DGCR2: variants seen among roughly 807,000 people sequenced by gnomAD.
DGCR2 encodes the protein DiGeorge syndrome critical region gene 2.
A neutral mutation model predicts 51.6 loss-of-function variants in DGCR2; 24 were observed. The observed-to-expected ratio is 0.47, with a 90% CI of 0.34 to 0.65. The LOEUF is 0.65. Ranked by LOEUF, DGCR2 falls within the 30% of genes least tolerant of loss-of-function variation. The pLI is 0.01. For missense variants in DGCR2, 765 were observed against 772.1 expected, an observed-to-expected ratio of 0.99 and a Z score of 0.11; for synonymous variants, 340 against 315.4, an observed-to-expected ratio of 1.08 and a Z score of -0.82.
At position 19,068,174 on chromosome 22, in the gene DGCR2, C is replaced by T. The variant is rs1226947085; in HGVS notation, c.254G>A (p.Arg85Gln). ...PHHGKEAVDP[R>Q]QGRARGGDPS... ...GTCGCCTCCTCTGGCCCGCCCCTGC[C>T]GCGGATCCACAGCCTCCTTCCCATG... The change falls in exon 3 of 10, where the codon CGG becomes CAG. Residue 85 changes from arginine (R) to glutamine (Q), a missense_variant. This residue lies in a region of DGCR2 where 370 missense variants were observed against 325.5 expected (regional missense o/e 1.14). Transcript: ENST00000263196. The T allele has an allele frequency of 6.2e-6, 10 of 1,611,484 alleles. No homozygotes were observed. Among genetic ancestry groups the T allele is most frequent in the East Asian group, 4.5e-5 (2 of 44,702 alleles).
chr22:19,040,247 C>T (rs1036711660), intron 9 of DGCR2, among the ~76,000 whole-genome samples: 2 of 152,226 alleles, frequency 1.3e-5, no homozygotes. Flanking sequence ...GTCTTTTCTG[C>T]ACCCCCAGAT....
chr22:19,081,575 T>A (rs1039280378), intron 2 of DGCR2, among the ~76,000 whole-genome samples: 1 of 152,226 alleles, frequency 6.6e-6, no homozygotes, highest in African/African-American at 2.4e-5. Flanking sequence ...AATTAAGATG[T>A]CTGACAAAAC....
chr22:19,040,962 G>GC, intron 9 of DGCR2, 96 bp downstream of exon 9: 1 of 1,100,966 alleles, frequency 9.1e-7, no homozygotes, highest in Non-Finnish European at 1.3e-6. Flanking sequence ...AAGAAGTGAG[G>GC]TCCCTAGGCC....
At chr22:19,045,291 T>C (rs2082476668) in intron 7 of DGCR2, 1 of 152,270 alleles carries the variant, frequency 6.6e-6, no homozygotes, top group African/African-American at 2.4e-5. Context: ...CTCGATTGAT[T>C]GTTCACAGTC....
chr22:19,076,388 C>T (rs2082876699), intron 2 of DGCR2, among the ~76,000 whole-genome samples: 2 of 152,026 alleles, frequency 1.3e-5, no homozygotes, highest in South Asian at 4.1e-4. Context: ...TGCTCTAGAA[C>T]TCCTGACCTC....
intron 1 of DGCR2, among the ~76,000 whole-genome samples, chr22:19,119,872 C>A (rs2083413146): frequency 6.6e-6 from 1 of 152,092 alleles, no homozygotes; most frequent in African/African-American, 2.4e-5. Flanking sequence ...TCTTCAGGGA[C>A]CCCACCAGGC....
At chr22:19,099,158 G>A (rs1295399700) in intron 1 of DGCR2, among the ~76,000 whole-genome samples, 1 of 152,186 alleles carries the variant, frequency 6.6e-6, no homozygotes, top group East Asian at 1.9e-4. Context: ...AGTTCTCCAG[G>A]TGACAGGGCT....
intron 9 of DGCR2, among the ~76,000 whole-genome samples, chr22:19,040,300 T>C (rs2082416749): frequency 6.6e-6 from 1 of 152,236 alleles, no homozygotes; most frequent in African/African-American, 2.4e-5. Flanking sequence ...CGAACAGGAC[T>C]GAGACCTTTA....
chr22:19,089,296 A>C, intron 2 of DGCR2, 72 bp downstream of exon 2: 1 of 1,478,020 alleles, frequency 6.8e-7, no homozygotes, highest in Admixed American at 2.1e-5. Flanking sequence ...TCCACCCCTC[A>C]CAAGAGGCAC....
rs1350510357 is a variant in DGCR2 at position 19,112,727 on chromosome 22, G to A, written c.79+9401C>T. Among the ~76,000 whole-genome samples the A allele has an allele frequency of 2.1e-5, 3 of 143,970 alleles. 1 individual carries two copies. Among genetic ancestry groups the A allele is most frequent in the African/African-American group, 7.7e-5 (3 of 39,160 alleles). 94.4% of individuals were successfully genotyped at this position (143,970 alleles called of 152,430 possible). ...CTGGAATTTCAGGTGTGAACCACCC[G>A]GCCCTGCCTCAACACAGTTTTGAAC... On this transcript the variant is annotated intron_variant, in intron 1 of 9. Transcript: ENST00000263196.
chr22:19,072,423 G>A (rs912722938), intron 2 of DGCR2, among the ~76,000 whole-genome samples: 3 of 152,166 alleles, frequency 2.0e-5, no homozygotes, highest in Non-Finnish European at 4.4e-5. Context: ...GATAGGGAAG[G>A]ACCACCAAAC....
chr22:19,097,107 C>G (rs924014648), intron 1 of DGCR2, among the ~76,000 whole-genome samples: 1 of 152,068 alleles, frequency 6.6e-6, no homozygotes, highest in Non-Finnish European at 1.5e-5. Flanking sequence ...CAAAAGCAAA[C>G]GTCAGCCAAG....
chr22:19,078,131 T>G (rs184396709), intron 2 of DGCR2, among the ~76,000 whole-genome samples: 1 of 152,214 alleles, frequency 6.6e-6, no homozygotes, highest in African/African-American at 2.4e-5. Flanking sequence ...ACCCAGTGTC[T>G]TCTTTAATTT....
At chr22:19,073,450 G>C (rs936393513) in intron 2 of DGCR2, among the ~76,000 whole-genome samples, 4 of 152,210 alleles carry the variant, frequency 2.6e-5, no homozygotes, top group African/African-American at 9.6e-5. Context: ...AAAGGGAACA[G>C]AGAAGAAAAC....
intron 7 of DGCR2, among the ~76,000 whole-genome samples, chr22:19,043,421 G>C (rs1053549740): frequency 6.6e-6 from 1 of 152,184 alleles, no homozygotes; most frequent in Non-Finnish European, 1.5e-5. Context: ...GTGGTAGCAG[G>C]CATGAAAGGA....
chr22:19,103,340 A>G (rs1323947836), intron 1 of DGCR2, among the ~76,000 whole-genome samples: 1 of 150,390 alleles, frequency 6.6e-6, no homozygotes, highest in Non-Finnish European at 1.5e-5. Context: ...CAACATTCTG[A>G]ATGTTCTTAA....
intron 5 of DGCR2, chr22:19,060,815 T>C (rs974274786): frequency 2.6e-5 from 13 of 500,700 alleles, no homozygotes; most frequent in Admixed American, 1.7e-4. Flanking sequence ...GGTGTGGGCC[T>C]GGGGGAGCGC....
At chr22:19,060,638 T>C in intron 5 of DGCR2, 1 of 240,666 alleles carries the variant, frequency 4.2e-6, no homozygotes, top group Non-Finnish European at 8.5e-6. Flanking sequence ...TGGATGATTC[T>C]CCCTACACAA....
chr22:19,047,350 G>A (rs2082500861), intron 7 of DGCR2: 1 of 152,070 alleles, frequency 6.6e-6, no homozygotes, highest in Non-Finnish European at 1.5e-5. Flanking sequence ...TCCACTCAGG[G>A]GCAGCTTTCA....
Sources: allele counts gnomAD v4.1 joint callset (sites outside exome capture counted in the v4.1 genomes callset), GRCh38; gene constraint gnomAD v4.1.1; regional missense constraint gnomAD v4.1.1; transcripts MANE v1.5; gene names NCBI Gene and HGNC (gene_info 2026-07-23, HGNC 2026-07-21).